MIPOL1: variants seen among roughly 807,000 people sequenced by gnomAD.
MIPOL1 encodes the protein mirror-image polydactyly 1.
A neutral mutation model predicts 60.9 loss-of-function variants in MIPOL1; 57 were observed. That is an observed-to-expected ratio of 0.94 (90% CI 0.76 to 1.17). The LOEUF is 1.17. Among genes scored for constraint, MIPOL1 ranks in the 50% most tolerant of loss-of-function variants. MIPOL1 has a pLI of 0.00. For missense variants in MIPOL1, 551 were observed against 511.6 expected (o/e 1.08, Z -0.74); for synonymous variants, 179 against 168.8 (o/e 1.06, Z -0.47).
At chr14:37,279,521 C>T (rs2083927258) in intron 6 of MIPOL1, among the ~76,000 whole-genome samples, 1 of 151,916 alleles carries the variant, frequency 6.6e-6, no homozygotes, top group Non-Finnish European at 1.5e-5. Context: ...ATTCCAGAAT[C>T]AGGATTTTTT....
intron 12 of MIPOL1, among the ~76,000 whole-genome samples, chr14:37,521,198 A>C (rs573597140): frequency 2.6e-5 from 4 of 151,696 alleles, no homozygotes; most frequent in South Asian, 2.1e-4. Context: ...CAGTCTCCCA[A>C]AGTGCTGGGA....
chr14:37,540,311 TA>T (rs1386079626), intron 12 of MIPOL1, among the ~76,000 whole-genome samples: 10 of 152,214 alleles, frequency 6.6e-5, no homozygotes, highest in Admixed American at 1.3e-4. Context: ...GAAGTCTTCT[TA>T]CCTTTCTCTT....
intron 9 of MIPOL1, among the ~76,000 whole-genome samples, chr14:37,328,741 A>G (rs898491808): frequency 2.0e-5 from 3 of 152,208 alleles, no homozygotes; most frequent in Non-Finnish European, 4.4e-5. Context: ...CAAAAATGAC[A>G]GCATTATTTA....
At position 37,344,102 on chromosome 14, in the gene MIPOL1, AT is replaced by A. The variant is rs1452246802; in HGVS notation, c.829-25414del. Reference sequence around the variant, plus strand: ...TTTAAAGCATAACTACAGTATCATTATCACACCAAAAGGAGTAACAATAAAT... The same window carrying A: ...TTTAAAGCATAACTACAGTATCATTACACACCAAAAGGAGTAACAATAAAT... On this transcript the variant is annotated intron_variant, in intron 9 of 12. Transcript: ENST00000684589. 2.0e-5 allele frequency among the ~76,000 whole-genome samples: 3 copies of A among 152,248 alleles called. 1 individual carries two copies. The highest frequency in any genetic ancestry group is 7.2e-5 in the African/African-American group (3 of 41,556).
chr14:37,242,896 T>C (rs1972577034), intron 1 of MIPOL1, among the ~76,000 whole-genome samples: 1 of 152,180 alleles, frequency 6.6e-6, no homozygotes. Flanking sequence ...TATTAAGAGA[T>C]GACTTTTGAG....
chr14:37,411,113 T>C (rs1466359796), intron 10 of MIPOL1, among the ~76,000 whole-genome samples: 1 of 152,122 alleles, frequency 6.6e-6, no homozygotes, highest in African/African-American at 2.4e-5. Context: ...TTAAAAAATA[T>C]AAAAAGCATA....
chr14:37,374,490 T>A (rs1162964911), intron 10 of MIPOL1, among the ~76,000 whole-genome samples: 1 of 152,170 alleles, frequency 6.6e-6, no homozygotes, highest in African/African-American at 2.4e-5. Context: ...ATTGCCTAGG[T>A]TTTCTTCTAG....
intron 11 of MIPOL1, among the ~76,000 whole-genome samples, chr14:37,438,007 C>T (rs962422660): frequency 2.6e-5 from 4 of 151,958 alleles, no homozygotes; most frequent in South Asian, 2.1e-4. Context: ...AACAAGTTTT[C>T]GCTGTAGTTA....
intron 3 of MIPOL1, among the ~76,000 whole-genome samples, chr14:37,254,871 G>C (rs994336902): frequency 6.6e-6 from 1 of 151,468 alleles, no homozygotes; most frequent in Non-Finnish European, 1.5e-5. Flanking sequence ...CTATTCTGTT[G>C]GTATGATCCT....
intron 11 of MIPOL1, among the ~76,000 whole-genome samples, chr14:37,474,359 A>C (rs2153592409): frequency 6.6e-6 from 1 of 152,248 alleles, no homozygotes; most frequent in East Asian, 1.9e-4. Context: ...AGCTCCCGTA[A>C]TCCCCATGTG....
chr14:37,496,604 G>A (rs1354171250), intron 11 of MIPOL1, among the ~76,000 whole-genome samples: 1 of 148,734 alleles, frequency 6.7e-6, no homozygotes, highest in African/African-American at 2.5e-5. Flanking sequence ...GGGATGTGAA[G>A]GACCTCTTCA....
chr14:37,474,275 C>G (rs2094733025), intron 11 of MIPOL1, among the ~76,000 whole-genome samples: 1 of 152,030 alleles, frequency 6.6e-6, no homozygotes, highest in Non-Finnish European at 1.5e-5. Context: ...GGGTAAAAAC[C>G]TTGGAGCATG....
At chr14:37,230,669 CAT>C (rs1243849387) in intron 1 of MIPOL1, among the ~76,000 whole-genome samples, 1 of 152,094 alleles carries the variant, frequency 6.6e-6, no homozygotes, top group African/African-American at 2.4e-5. Flanking sequence ...TGGGTAATTA[CAT>C]GTTATAGATG....
At chr14:37,536,895 G>A (rs1369190262) in intron 12 of MIPOL1, among the ~76,000 whole-genome samples, 1 of 152,092 alleles carries the variant, frequency 6.6e-6, no homozygotes, top group African/African-American at 2.4e-5. Flanking sequence ...TGGGATAGTG[G>A]GGGTTGGTAG....
chr14:37,505,073 T>C (rs2095262636), intron 12 of MIPOL1: 1 of 152,118 alleles, frequency 6.6e-6, no homozygotes, highest in African/African-American at 2.4e-5. Context: ...ATCCTCTAAA[T>C]AGACCAATAA....
At chr14:37,246,738 G>A (rs1973256978) in intron 1 of MIPOL1, among the ~76,000 whole-genome samples, 1 of 152,030 alleles carries the variant, frequency 6.6e-6, no homozygotes. Flanking sequence ...TATGGCTTGA[G>A]CAGTATTAAT....
chr14:37,310,543 T>C (rs1434401640), intron 9 of MIPOL1, among the ~76,000 whole-genome samples: 1 of 152,200 alleles, frequency 6.6e-6, no homozygotes, highest in Non-Finnish European at 1.5e-5. Flanking sequence ...AGACAATCTC[T>C]CTATTTCCAT....
chr14:37,221,489 T>C (rs1335130247), intron 1 of MIPOL1, among the ~76,000 whole-genome samples: 1 of 152,136 alleles, frequency 6.6e-6, no homozygotes, highest in African/African-American at 2.4e-5. Context: ...GGATAATTTA[T>C]GAAGAAAAGA....
intron 1 of MIPOL1, among the ~76,000 whole-genome samples, chr14:37,213,961 A>G: frequency 6.6e-6 from 1 of 152,204 alleles, no homozygotes; most frequent in Non-Finnish European, 1.5e-5. Flanking sequence ...ATACCCTAGG[A>G]TAGTATATCT....
Sources: gnomAD v4.1 joint callset for allele counts (sites outside exome capture counted in the v4.1 genomes callset) on GRCh38, gnomAD v4.1.1 for gene constraint, MANE v1.5 for transcripts, NCBI Gene and HGNC (gene_info 2026-07-23, HGNC 2026-07-21) for gene names.